The following CDC23 variants were observed in gnomAD, a reference collection of about 807,000 sequenced individuals.
CDC23 encodes cell division cycle protein 23 homolog.
CDC23 carries 26 observed loss-of-function variants against 81.7 expected under a neutral mutation model. That is an observed-to-expected ratio of 0.32 (90% CI 0.23 to 0.44). CDC23 has a LOEUF of 0.44. Among genes scored for constraint, CDC23 ranks in the 20% least tolerant of loss-of-function variants. The pLI, the probability that CDC23 is intolerant of heterozygous loss-of-function variation, is 1.00. For synonymous variants in CDC23, 267 were observed against 270.8 expected (o/e 0.99, Z 0.14); for missense variants, 519 against 728.0 (o/e 0.71, Z 3.30).
rs771448189 is a variant in CDC23, at chr5:138,196,295, A to AT, written c.1012+1903dup. Among the ~76,000 whole-genome samples, 454 of 143,708 alleles carry AT rather than the reference A, an allele frequency of 3.2e-3. 1 individual carries two copies. Among genetic ancestry groups the AT allele is most frequent in the African/African-American group, 7.5e-3 (294 of 39,360 alleles). 94.3% of individuals were successfully genotyped at this position (143,708 alleles called of 152,430 possible). ...ATAATTATTCTTCTCATATATATTG[A>AT]TTTTTTTTTTTTTTTGAGATGGAGT... On this transcript the variant is annotated intron_variant, in intron 9 of 15. Transcript: ENST00000394886.
chr5:138,200,764 G>C (rs1754978726), intron 6 of CDC23, among the ~76,000 whole-genome samples: 1 of 152,146 alleles, frequency 6.6e-6, no homozygotes. Flanking sequence ...AGGTTGCCGT[G>C]AGCCAAGATC....
intron 9 of CDC23, among the ~76,000 whole-genome samples, chr5:138,193,431 A>G (rs1248710957): frequency 6.6e-6 from 1 of 151,966 alleles, no homozygotes; most frequent in Non-Finnish European, 1.5e-5. Context: ...CCCTGTCTCT[A>G]CTAAAAATAC....
In CDC23 at chr5:138,192,349, C is replaced by T. The variant is rs1754836173; in HGVS notation, c.1206G>A (p.Trp402Ter). ...TTTCATAGGTCTGCCCGAGGCCATA[C>T]CAAGCTCTGTAGTCCCGTTTGTTGA... ...IEVNKRDYRAWYGLGQTYEIL... is the reference protein window; with the variant it reads ...IEVNKRDYRA The change falls in exon 11 of 16, where the codon TGG becomes TGA. Residue 402 changes from tryptophan to a stop codon, truncating the protein, a stop_gained. Transcript: ENST00000394886. LOFTEE classifies it high-confidence loss of function. 1 of 1,614,154 alleles carries T rather than the reference C, an allele frequency of 6.2e-7. No individual in the cohort carries two copies. The highest frequency in any genetic ancestry group is 1.1e-5 in the South Asian group (1 of 91,084).
At chr5:138,207,673 C>T (rs1276798785) in intron 2 of CDC23, among the ~76,000 whole-genome samples, 2 of 152,062 alleles carry the variant, frequency 1.3e-5, no homozygotes, top group Non-Finnish European at 2.9e-5. Flanking sequence ...TAAAAACATA[C>T]AATCCTTGGC....
chr5:138,190,033 C>G, intron 13 of CDC23, 127 bp from the exon 14 acceptor site: 1 of 712,328 alleles, frequency 1.4e-6, no homozygotes, highest in Non-Finnish European at 2.5e-6. Context: ...ATAAATGACA[C>G]TCTTGGAACT....
intron 2 of CDC23, among the ~76,000 whole-genome samples, chr5:138,207,246 C>G: frequency 6.6e-6 from 1 of 152,058 alleles, no homozygotes; most frequent in East Asian, 1.9e-4. Flanking sequence ...AAAAACTAAA[C>G]GAACACTCAT....
At chr5:138,212,490 G>T (rs1012998512) in intron 2 of CDC23, among the ~76,000 whole-genome samples, 2 of 151,966 alleles carry the variant, frequency 1.3e-5, no homozygotes, top group Non-Finnish European at 2.9e-5. Context: ...GGCTAATTTT[G>T]TATTTTTACT....
At chr5:138,206,462 G>T in intron 3 of CDC23, 85 bp downstream of exon 3, 1 of 1,383,794 alleles carries the variant, frequency 7.2e-7, no homozygotes, top group Non-Finnish European at 1.0e-6. Flanking sequence ...CCACTGCTAA[G>T]CTATTTAAAA....
chr5:138,191,066 G>A (rs1754821615), intron 13 of CDC23, among the ~76,000 whole-genome samples: 1 of 152,142 alleles, frequency 6.6e-6, no homozygotes, highest in South Asian at 2.1e-4. Context: ...TTGATCTCTT[G>A]CTTTAATAGG....
chr5:138,205,476 AGAG>A (rs892250571), intron 3 of CDC23, among the ~76,000 whole-genome samples: 4 of 152,178 alleles, frequency 2.6e-5, no homozygotes, highest in African/African-American at 9.7e-5. Context: ...TAAGGTACTT[AGAG>A]TAGTCCAGAT....
At chr5:138,206,828 T>C (rs1755055294) in intron 2 of CDC23, 144 bp from the exon 3 acceptor site, 1 of 421,240 alleles carries the variant, frequency 2.4e-6, no homozygotes, top group Non-Finnish European at 4.0e-6. Flanking sequence ...TAGATGCATA[T>C]ATATATAATT....
chr5:138,189,086 A>G lies in CDC23; in HGVS notation c.1686T>C (p.Thr562=). ...AGGGAGCAGGCACCTCGGTGGTAGG[A>G]GTCTCGCCTTGGTTCCGAAGCTGTA... ...QILQLRNQGE[T]PTTEVPAPFF... is the part of the protein sequence containing the mutation. Residue 562 remains threonine (T), a synonymous_variant, in exon 16 of 16, where the codon ACT becomes ACC. Coordinates refer to ENST00000394886, the MANE Select transcript of CDC23 (RefSeq NM_004661.4). The G allele has an allele frequency of 6.2e-7, 1 of 1,614,034 alleles. No individual in the cohort carries two copies. Among genetic ancestry groups the G allele is most frequent in the South Asian group, 1.1e-5 (1 of 91,084 alleles).
rs779553359 is a variant in CDC23 at position 138,191,487 on chromosome 5, C to T, written c.1411G>A (p.Val471Met). ...AVGDVEKMAL[V>M]KLAKLHEQLT... ...CCTTTCACTCACTTTGCCAGTTTCACCAGAGCCATTTTCTCCACATCTCCC... is the reference window on the plus strand; with the variant it reads ...CCTTTCACTCACTTTGCCAGTTTCATCAGAGCCATTTTCTCCACATCTCCC... Residue 471 changes from valine (V) to methionine (M), a missense_variant, in exon 13 of 16, where the codon GTG (valine) becomes ATG (methionine). Coordinates refer to ENST00000394886, the MANE Select transcript of CDC23 (RefSeq NM_004661.4). The T allele has an allele frequency of 2.5e-5, 40 of 1,613,974 alleles. No homozygotes were observed. The highest frequency in any genetic ancestry group is 3.3e-5 in the Non-Finnish European group (39 of 1,179,952).
chr5:138,205,043 T>A (rs1229933212), intron 3 of CDC23, among the ~76,000 whole-genome samples: 1 of 151,940 alleles, frequency 6.6e-6, no homozygotes, highest in African/African-American at 2.4e-5. Flanking sequence ...GCCTCCCAAG[T>A]AGCTGGGGCC....
chr5:138,201,442 A>AG lies in CDC23; in HGVS notation c.421dup (p.Leu141ProfsTer9). 6.2e-7 allele frequency: 1 copy of AG among 1,611,586 alleles called. No homozygotes were observed. Among genetic ancestry groups the AG allele is most frequent in the Non-Finnish European group, 8.5e-7 (1 of 1,178,024 alleles). On this transcript the variant is annotated frameshift_variant, in exon 5 of 16. Transcript: ENST00000394886. LOFTEE classifies it high-confidence loss of function. Reference sequence around the variant, plus strand: ...CTCATTTTTCACTTGTCCTTTTTCCAGGGGGCCTAGGAAAGAAACAGAGTC... The same window carrying AG: ...CTCATTTTTCACTTGTCCTTTTTCCAGGGGGGCCTAGGAAAGAAACAGAGTC...
chr5:138,212,422 G>C (rs1755123770), intron 2 of CDC23, among the ~76,000 whole-genome samples: 1 of 152,144 alleles, frequency 6.6e-6, no homozygotes, highest in Admixed American at 6.6e-5. Context: ...GGGTTTAAGC[G>C]ATTCTCCTGT....
intron 12 of CDC23, 84 bp downstream of exon 12, chr5:138,191,778 G>T: frequency 8.6e-7 from 1 of 1,162,598 alleles, no homozygotes; most frequent in South Asian, 1.2e-5. Context: ...ATCAGAATAA[G>T]GGAAAAATTA....
chr5:138,208,703 T>C (rs1755079923), intron 2 of CDC23, among the ~76,000 whole-genome samples: 1 of 152,216 alleles, frequency 6.6e-6, no homozygotes, highest in South Asian at 2.1e-4. Context: ...TAATCTTAAA[T>C]TTTTCTGTTT....
rs1280462464 is a variant in CDC23, at chr5:138,187,723, A to AT, written c.*1254dup. On this transcript the variant is annotated 3_prime_UTR_variant, in exon 16 of 16. Coordinates refer to ENST00000394886, the MANE Select transcript of CDC23 (RefSeq NM_004661.4). The stretch of plus-strand genomic sequence containing the variant: ...AACAAATTATAAAAGGGACAGAAAA[A>AT]TTAAGAATCAAACATCATTCTGGAC... 3 of 260,894 alleles carry AT rather than the reference A, an allele frequency of 1.1e-5. No individual in the cohort carries two copies. The highest frequency in any genetic ancestry group is 2.2e-5 in the Non-Finnish European group (3 of 134,610). The allele number at this position is 260,894 out of a possible 1,614,324, so 16.2% of individuals were successfully genotyped here. A position where few individuals can be genotyped will look rare whatever the true frequency, so the allele number is the denominator to read the frequency against.
Sources: gnomAD v4.1 joint callset for allele counts (sites outside exome capture counted in the v4.1 genomes callset) on GRCh38, gnomAD v4.1.1 for gene constraint, MANE v1.5 for transcripts, NCBI Gene and HGNC (gene_info 2026-07-23, HGNC 2026-07-21) for gene names.